Variants in NRXN3 observed in about 807,000 individuals in gnomAD.
NRXN3 encodes neurexin 3.
NRXN3 carries 32 observed loss-of-function variants against 137.6 expected under a neutral mutation model. The ratio of observed to expected loss-of-function variants is 0.23; its 90% confidence interval spans 0.18 to 0.31. NRXN3 has a LOEUF of 0.31. Ranked by LOEUF, NRXN3 falls within the 10% of genes least tolerant of loss-of-function variation. The pLI is 1.00. For missense variants in NRXN3, 1,574 were observed against 2,062.5 expected, an observed-to-expected ratio of 0.76 and a Z score of 4.59; for synonymous variants, 798 against 784.5, an observed-to-expected ratio of 1.02 and a Z score of -0.29.
At chr14:79,772,630 T>C (rs181634425) in intron 19 of NRXN3, among the ~76,000 whole-genome samples, 67 of 152,144 alleles carry the variant, frequency 4.4e-4, no homozygotes, top group Admixed American at 1.4e-3. Flanking sequence ...ATCAATTCAA[T>C]ATGGATTAGA....
chr14:79,195,568 TTA>T (rs1438315614), intron 15 of NRXN3, among the ~76,000 whole-genome samples: 10 of 152,220 alleles, frequency 6.6e-5, no homozygotes, highest in African/African-American at 2.4e-4. Flanking sequence ...TATGATTGGT[TTA>T]TGTGTCTGAA....
intron 15 of NRXN3, among the ~76,000 whole-genome samples, chr14:79,157,252 A>G (rs2060334432): frequency 6.6e-6 from 1 of 151,786 alleles, no homozygotes; most frequent in Non-Finnish European, 1.5e-5. Context: ...ACATATATCT[A>G]AATATTTTCA....
At chr14:79,259,342 T>C (rs182398198) in intron 15 of NRXN3, among the ~76,000 whole-genome samples, 1 of 152,240 alleles carries the variant, frequency 6.6e-6, no homozygotes, top group Admixed American at 6.5e-5. Context: ...AGCTTTTTTT[T>C]CCTACCTTCT....
At chr14:79,562,412 T>C (rs561706280) in intron 16 of NRXN3, among the ~76,000 whole-genome samples, 1 of 152,146 alleles carries the variant, frequency 6.6e-6, no homozygotes, top group African/African-American at 2.4e-5. Context: ...ATTATTGAAA[T>C]GAAGACGATA....
intron 14 of NRXN3, among the ~76,000 whole-genome samples, chr14:78,987,426 C>T (rs1014920844): frequency 6.6e-6 from 1 of 152,102 alleles, no homozygotes; most frequent in Non-Finnish European, 1.5e-5. Context: ...TCTTAGAGTA[C>T]CTGGAGAGCT....
chr14:78,504,864 C>T (rs752765407), intron 4 of NRXN3, among the ~76,000 whole-genome samples: 1 of 152,098 alleles, frequency 6.6e-6, no homozygotes, highest in African/African-American at 2.4e-5. Flanking sequence ...TAAAGATAGA[C>T]CTTCAAGTGG....
At chr14:78,520,975 C>T (rs1295797719) in intron 4 of NRXN3, among the ~76,000 whole-genome samples, 2 of 152,124 alleles carry the variant, frequency 1.3e-5, no homozygotes, top group African/African-American at 4.8e-5. Context: ...TCTCCCCGGT[C>T]AGATTTATGA....
At chr14:78,214,545 A>C (rs909687098) in intron 1 of NRXN3, among the ~76,000 whole-genome samples, 2 of 152,148 alleles carry the variant, frequency 1.3e-5, no homozygotes, top group African/African-American at 2.4e-5. Context: ...TGCCGGACAC[A>C]CTCGGGATGC....
chr14:79,724,430 C>T (rs986472849), intron 19 of NRXN3, among the ~76,000 whole-genome samples: 1 of 152,116 alleles, frequency 6.6e-6, no homozygotes, highest in Non-Finnish European at 1.5e-5. Context: ...TTTTTCACCC[C>T]TCTTCTCTCC....
chr14:78,386,339 G>A (rs2153636272), intron 4 of NRXN3, among the ~76,000 whole-genome samples: 1 of 152,234 alleles, frequency 6.6e-6, no homozygotes, highest in Middle Eastern at 3.4e-3. Flanking sequence ...CATGGTCTTA[G>A]GGGTCATTAA....
intron 1 of NRXN3, among the ~76,000 whole-genome samples, chr14:78,181,922 A>G (rs778489446): frequency 1.3e-5 from 2 of 152,208 alleles, no homozygotes; most frequent in African/African-American, 4.8e-5. Context: ...TGCAGGCACT[A>G]TACCAGGTGC....
At chr14:79,448,163 A>G (rs962317485) in intron 15 of NRXN3, among the ~76,000 whole-genome samples, 1 of 152,100 alleles carries the variant, frequency 6.6e-6, no homozygotes, top group Non-Finnish European at 1.5e-5. Flanking sequence ...CACACAAGCC[A>G]AGCACCCTTT....
At chr14:78,331,507 T>C (rs532146361) in intron 4 of NRXN3, among the ~76,000 whole-genome samples, 2 of 152,312 alleles carry the variant, frequency 1.3e-5, no homozygotes, top group South Asian at 4.1e-4. Flanking sequence ...CGTGGCCGCA[T>C]GAGGTAGCTC....
chr14:78,417,850 G>A (rs1372644656), intron 4 of NRXN3, among the ~76,000 whole-genome samples: 1 of 152,188 alleles, frequency 6.6e-6, no homozygotes, highest in Non-Finnish European at 1.5e-5. Flanking sequence ...TGCACCTCCT[G>A]GGTTCAAGCG....
intron 19 of NRXN3, among the ~76,000 whole-genome samples, chr14:79,764,075 A>G (rs2099047936): frequency 6.6e-6 from 1 of 151,968 alleles, no homozygotes; most frequent in East Asian, 1.9e-4. Context: ...GCATTGTTTA[A>G]TAATAGTTCA....
chr14:78,904,038 A>G (rs1213315155), intron 10 of NRXN3, among the ~76,000 whole-genome samples: 1 of 152,076 alleles, frequency 6.6e-6, no homozygotes, highest in African/African-American at 2.4e-5. Context: ...CCATCACAGT[A>G]TGACATTAGG....
At chr14:78,633,542 C>T (rs1399735253) in intron 4 of NRXN3, among the ~76,000 whole-genome samples, 1 of 152,060 alleles carries the variant, frequency 6.6e-6, no homozygotes, top group Non-Finnish European at 1.5e-5. Context: ...ATTAGCAGTC[C>T]CTTCTTGAAA....
chr14:78,395,719 T>C (rs982000577), intron 4 of NRXN3, among the ~76,000 whole-genome samples: 2 of 152,054 alleles, frequency 1.3e-5, no homozygotes, highest in African/African-American at 4.8e-5. Context: ...GTGGATTGAC[T>C]CTTTTATCAT....
At chr14:79,213,623 T>A (rs918583871) in intron 15 of NRXN3, among the ~76,000 whole-genome samples, 2 of 149,644 alleles carry the variant, frequency 1.3e-5, no homozygotes, top group East Asian at 2.0e-4. Flanking sequence ...ACCCTTTTTT[T>A]TTGGGGGGGG....
Sources: gnomAD v4.1 joint callset for allele counts (sites outside exome capture counted in the v4.1 genomes callset) on GRCh38, gnomAD v4.1.1 for gene constraint, MANE v1.5 for transcripts, NCBI Gene and HGNC (gene_info 2026-07-23, HGNC 2026-07-21) for gene names.